The following GRIA4 variants were observed in gnomAD, a reference collection of about 807,000 sequenced individuals.
GRIA4 encodes the protein glutamate ionotropic receptor AMPA type subunit 4, also known as glutamate receptor 4.
Under a neutral mutation model 104.0 loss-of-function variants are expected in GRIA4, and 34 were observed. That is an observed-to-expected ratio of 0.33 (90% confidence interval 0.25 to 0.44). The LOEUF is 0.44. Among genes scored for constraint, GRIA4 ranks in the 20% least tolerant of loss-of-function variants. GRIA4 has a pLI of 1.00. For missense variants in GRIA4, 750 were observed against 1,096.5 expected, an observed-to-expected ratio of 0.68 and a Z score of 4.46; for synonymous variants, 386 against 381.9, an observed-to-expected ratio of 1.01 and a Z score of -0.13.
At chr11:105,621,892 A>G (rs1001387724) in intron 3 of GRIA4, among the ~76,000 whole-genome samples, 1 of 151,792 alleles carries the variant, frequency 6.6e-6, no homozygotes, top group African/African-American at 2.4e-5. Context: ...ACTTGTCCTG[A>G]AGGGTGAGGA....
chr11:105,652,376 C>T (rs1049563152), intron 3 of GRIA4, among the ~76,000 whole-genome samples: 2 of 152,074 alleles, frequency 1.3e-5, no homozygotes, highest in African/African-American at 2.4e-5. Context: ...TCTAAACTGA[C>T]TCGAGGTAGG....
At position 105,660,784 on chromosome 11, in the gene GRIA4, T is replaced by C. The variant is rs562700790; in HGVS notation, c.247+48350T>C. On this transcript the variant is annotated intron_variant, in intron 3 of 16. Coordinates refer to ENST00000282499, the MANE Select transcript of GRIA4 (RefSeq NM_000829.4). ...TGTCCATGAAAAACTCCAAGACATA[T>C]CTATATATCTATATCTCCATATATA... is the stretch of plus-strand genomic sequence containing the variant. 2.0e-5 allele frequency among the ~76,000 whole-genome samples: 3 copies of C among 151,744 alleles called. No homozygotes were observed. In the East Asian group the frequency reaches 5.8e-4, roughly 29 times the overall value.
chr11:105,800,015 G>A (rs555993153), intron 4 of GRIA4, among the ~76,000 whole-genome samples: 36 of 152,164 alleles, frequency 2.4e-4, no homozygotes, highest in African/African-American at 7.9e-4. Context: ...GGGTTTATGC[G>A]TGCATGATTA....
At chr11:105,921,393 A>G (rs1263501320) in intron 11 of GRIA4, among the ~76,000 whole-genome samples, 1 of 151,352 alleles carries the variant, frequency 6.6e-6, no homozygotes, top group Non-Finnish European at 1.5e-5. Context: ...TCCATGGTCC[A>G]CTAGCACCAG....
chr11:105,692,848 TTAAA>T (rs1444248728), intron 3 of GRIA4, among the ~76,000 whole-genome samples: 1 of 152,190 alleles, frequency 6.6e-6, no homozygotes, highest in Non-Finnish European at 1.5e-5. Context: ...TTTACTTCAG[TTAAA>T]TAACACCATT....
intron 3 of GRIA4, among the ~76,000 whole-genome samples, chr11:105,745,909 T>C (rs1939627846): frequency 1.3e-5 from 2 of 152,162 alleles, no homozygotes; most frequent in South Asian, 4.1e-4. Flanking sequence ...CTCTCCTCAA[T>C]GTTCTGCTGA....
chr11:105,779,194 A>T (rs1011105833), intron 4 of GRIA4, among the ~76,000 whole-genome samples: 2 of 151,990 alleles, frequency 1.3e-5, no homozygotes, highest in Non-Finnish European at 2.9e-5. Flanking sequence ...ACTGTTGGAC[A>T]TTTGGGTTGG....
intron 4 of GRIA4, 128 bp from the exon 5 acceptor site, chr11:105,861,896 C>A: frequency 1.6e-6 from 1 of 631,914 alleles, no homozygotes; most frequent in Non-Finnish European, 2.8e-6. Context: ...AATAACCACA[C>A]AGACTTTAAG....
At chr11:105,620,972 C>G (rs1221990254) in intron 3 of GRIA4, among the ~76,000 whole-genome samples, 1 of 151,658 alleles carries the variant, frequency 6.6e-6, no homozygotes, top group African/African-American at 2.4e-5. Context: ...GAACACCATG[C>G]TATCTCAAAA....
intron 3 of GRIA4, among the ~76,000 whole-genome samples, chr11:105,619,617 CAG>C (rs1480845729): frequency 6.6e-6 from 1 of 151,798 alleles, no homozygotes; most frequent in African/African-American, 2.4e-5. Context: ...TTGGGCCATT[CAG>C]AGAGAGGATT....
intron 6 of GRIA4, among the ~76,000 whole-genome samples, chr11:105,889,696 G>A (rs1489883245): frequency 1.3e-5 from 2 of 152,024 alleles, no homozygotes; most frequent in African/African-American, 2.4e-5. Flanking sequence ...TGTACTGAAG[G>A]TTCTATTACA....
intron 2 of GRIA4, among the ~76,000 whole-genome samples, chr11:105,611,288 C>T (rs1388117696): frequency 6.6e-6 from 1 of 152,052 alleles, no homozygotes; most frequent in African/African-American, 2.4e-5. Flanking sequence ...GGCAGCCCAC[C>T]CATGCGTTCT....
At chr11:105,639,426 C>T (rs1951296162) in intron 3 of GRIA4, among the ~76,000 whole-genome samples, 1 of 151,894 alleles carries the variant, frequency 6.6e-6, no homozygotes, top group Non-Finnish European at 1.5e-5. Context: ...CTCAGCATCG[C>T]AGTCATATTT....
chr11:105,704,964 G>A (rs1171983938), intron 3 of GRIA4, among the ~76,000 whole-genome samples: 1 of 152,044 alleles, frequency 6.6e-6, no homozygotes, highest in Non-Finnish European at 1.5e-5. Context: ...TAAAACACTG[G>A]AGAAGAAAAC....
chr11:105,737,499 G>A (rs550572397), intron 3 of GRIA4, among the ~76,000 whole-genome samples: 147 of 151,972 alleles, frequency 9.7e-4, no homozygotes, highest in South Asian at 1.9e-3. Flanking sequence ...AAAAAAAAAA[G>A]TATTGAAACA....
At chr11:105,747,345 G>A (rs1184569835) in intron 3 of GRIA4, among the ~76,000 whole-genome samples, 3 of 152,048 alleles carry the variant, frequency 2.0e-5, no homozygotes, top group East Asian at 1.9e-4. Context: ...CTTTAAATAC[G>A]AATTAGAACA....
chr11:105,754,022 T>A (rs1940161978), intron 4 of GRIA4, among the ~76,000 whole-genome samples: 1 of 152,106 alleles, frequency 6.6e-6, no homozygotes, highest in African/African-American at 2.4e-5. Context: ...ATTGATTACA[T>A]CATTGGCCAT....
chr11:105,824,740 G>A (rs1264896401), intron 4 of GRIA4: 5 of 152,106 alleles, frequency 3.3e-5, no homozygotes, highest in Non-Finnish European at 5.9e-5. Context: ...ATTCCTCCAG[G>A]AAGATCTCGC....
intron 5 of GRIA4, among the ~76,000 whole-genome samples, chr11:105,878,527 C>G (rs952942686): frequency 6.6e-6 from 1 of 152,210 alleles, no homozygotes; most frequent in African/African-American, 2.4e-5. Context: ...CCACCCCTTC[C>G]CCCAGGTTCT....
Sources: gnomAD v4.1 joint callset for allele counts (sites outside exome capture counted in the v4.1 genomes callset) on GRCh38, gnomAD v4.1.1 for gene constraint, MANE v1.5 for transcripts, NCBI Gene and HGNC (gene_info 2026-07-23, HGNC 2026-07-21) for gene names.